CAMK2D: variants seen among roughly 807,000 people sequenced by gnomAD.
The protein encoded by CAMK2D is calcium/calmodulin-dependent protein kinase type II subunit delta.
Under a neutral mutation model 84.0 loss-of-function variants are expected in CAMK2D, and 37 were observed. The ratio of observed to expected loss-of-function variants is 0.44; its 90% CI spans 0.34 to 0.58. The LOEUF (loss-of-function observed/expected upper bound fraction) is 0.58, where lower values mean the gene tolerates loss of function less well. Ranked by LOEUF, CAMK2D falls within the 20% of genes least tolerant of loss-of-function variation. The probability of loss-of-function intolerance (pLI) is 0.02; values close to 1 mark genes in which losing one functional copy is unlikely to be tolerated. For missense variants in CAMK2D, 448 were observed against 652.5 expected (o/e 0.69, Z 3.41); for synonymous variants, 202 against 212.5 (o/e 0.95, Z 0.43).
chr4:113,741,563 T>TC (rs1409948288), intron 2 of CAMK2D, among the ~76,000 whole-genome samples: 1 of 152,136 alleles, frequency 6.6e-6, no homozygotes, highest in Non-Finnish European at 1.5e-5. Flanking sequence ...TTGGAACGTA[T>TC]CCCCCAGAGA....
chr4:113,681,799 G>A (rs965685938), intron 2 of CAMK2D, among the ~76,000 whole-genome samples: 2 of 151,600 alleles, frequency 1.3e-5, no homozygotes, highest in African/African-American at 4.8e-5. Flanking sequence ...ATATTTAAAC[G>A]ACAACTGAAA....
intron 4 of CAMK2D, among the ~76,000 whole-genome samples, chr4:113,603,585 C>T (rs1485121008): frequency 6.6e-6 from 1 of 150,820 alleles, no homozygotes; most frequent in Non-Finnish European, 1.5e-5. Flanking sequence ...TCATAAAAGC[C>T]TTTCCCATTC....
chr4:113,759,844 C>G (rs1261477474), intron 1 of CAMK2D, among the ~76,000 whole-genome samples: 1 of 152,096 alleles, frequency 6.6e-6, no homozygotes, highest in African/African-American at 2.4e-5. Flanking sequence ...CGATTATTTT[C>G]ATTAAAATAT....
intron 3 of CAMK2D, among the ~76,000 whole-genome samples, chr4:113,621,563 A>T (rs1437530916): frequency 1.3e-5 from 2 of 152,216 alleles, no homozygotes; most frequent in African/African-American, 4.8e-5. Context: ...AGCCAATGGG[A>T]TAAATGAGTA....
chr4:113,706,928 T>A (rs988638672), intron 2 of CAMK2D, among the ~76,000 whole-genome samples: 1 of 152,180 alleles, frequency 6.6e-6, no homozygotes, highest in Non-Finnish European at 1.5e-5. Context: ...AAAAGTTTTT[T>A]TTTTCACATC....
rs141772899 is a variant in CAMK2D, at chr4:113,589,632, T to A, written c.275+19520A>T. Among the ~76,000 whole-genome samples, 271 of 152,262 alleles carry A rather than the reference T, an allele frequency of 1.8e-3. 1 individual carries two copies. The highest frequency in any genetic ancestry group is 6.2e-3 in the African/African-American group (259 of 41,538). The stretch of plus-strand genomic sequence containing the variant: ...GGAGTTGCCACTAAGAGGAGTAACT[T>A]TGACCTTAGAGAGATGAGGAGAACT... On this transcript the variant is annotated intron_variant, in intron 4 of 20. Transcript: ENST00000511664.
chr4:113,554,978 CA>C (rs1560935437), intron 4 of CAMK2D, among the ~76,000 whole-genome samples: 1 of 58,214 alleles, frequency 1.7e-5, no homozygotes, highest in Non-Finnish European at 3.4e-5. Context: ...AACTCTAGAA[CA>C]TGAAAAAATG....
intron 3 of CAMK2D, among the ~76,000 whole-genome samples, chr4:113,654,358 C>G (rs1347582750): frequency 6.6e-6 from 1 of 151,970 alleles, no homozygotes. Flanking sequence ...CCTGTCAGCA[C>G]ATGAAATTTT....
At chr4:113,694,998 T>C (rs1440775836) in intron 2 of CAMK2D, among the ~76,000 whole-genome samples, 4 of 152,202 alleles carry the variant, frequency 2.6e-5, no homozygotes, top group African/African-American at 4.8e-5. Context: ...AAAAGGAACA[T>C]GAAAATAAGT....
rs79051537 is a variant in CAMK2D, at chr4:113,475,764, G to A, written c.1136-10160C>T. 7.3e-3 allele frequency among the ~76,000 whole-genome samples: 1,110 copies of A among 152,282 alleles called. 15 individuals are homozygous for A. The highest frequency in any genetic ancestry group is 0.025 in the African/African-American group (1,053 of 41,562). On this transcript the variant is annotated intron_variant, in intron 16 of 20. Coordinates refer to ENST00000511664, the MANE Select transcript of CAMK2D (RefSeq NM_001321571.2). ...ATATGCAGCAGCATCTCCGATCATT[G>A]TACTTTCATGTTTTCTAGCTTATTC...
At chr4:113,597,732 C>T (rs1692783579) in intron 4 of CAMK2D, among the ~76,000 whole-genome samples, 1 of 152,248 alleles carries the variant, frequency 6.6e-6, no homozygotes, top group African/African-American at 2.4e-5. Context: ...GTCTAGCTTT[C>T]AGCATATCTC....
chr4:113,649,169 C>G (rs2099163065), intron 3 of CAMK2D, among the ~76,000 whole-genome samples: 1 of 152,182 alleles, frequency 6.6e-6, no homozygotes, highest in Non-Finnish European at 1.5e-5. Flanking sequence ...AGGAACTCAT[C>G]ATGCCTTACA....
rs549569448 is a variant in CAMK2D at position 113,583,211 on chromosome 4, G to A, written c.275+25941C>T. 7.3e-5 allele frequency among the ~76,000 whole-genome samples: 11 copies of A among 150,086 alleles called. No individual in the cohort carries two copies. The South Asian group carries it at 2.4e-3, about 32-fold the overall frequency. On this transcript the variant is annotated intron_variant, in intron 4 of 20. Coordinates refer to ENST00000511664, the MANE Select transcript of CAMK2D (RefSeq NM_001321571.2). ...TTTCCAGGGTTTTGAATTCCAATGT[G>A]CATTATTTAGCAAATACCCTTCATA... is the stretch of plus-strand genomic sequence containing the variant.
chr4:113,522,345 A>C (rs561427987), intron 8 of CAMK2D, among the ~76,000 whole-genome samples: 1 of 152,348 alleles, frequency 6.6e-6, no homozygotes, highest in South Asian at 2.1e-4. Context: ...GGAACTTGGA[A>C]GTACACAATT....
At chr4:113,612,207 G>C (rs2099003115) in intron 3 of CAMK2D, among the ~76,000 whole-genome samples, 1 of 152,142 alleles carries the variant, frequency 6.6e-6, no homozygotes. Context: ...TATTCTCAGA[G>C]TTGATGGTAT....
At position 113,761,263 on chromosome 4, in the gene CAMK2D, G is replaced by T. The variant is rs956085053; in HGVS notation, c.-195C>A. The T allele has an allele frequency of 1.6e-4, 230 of 1,454,582 alleles. No homozygotes were observed. Among genetic ancestry groups the T allele is most frequent in the Non-Finnish European group, 1.7e-4 (191 of 1,106,074 alleles). The allele number at this position is 1,454,582 out of a possible 1,614,324, so 90.1% of individuals were successfully genotyped here. On this transcript the variant is annotated 5_prime_UTR_variant, in exon 1 of 21. Transcript: ENST00000511664. The stretch of plus-strand genomic sequence containing the variant: ...GGAGATGACCAGAAAGGGTGGCGTG[G>T]GGTCTCCTCCCCACAGTCCGCCGAT...
chr4:113,760,895 T>C (rs981930988), intron 1 of CAMK2D, 109 bp downstream of exon 1: 7 of 1,404,640 alleles, frequency 5.0e-6, no homozygotes, highest in Non-Finnish European at 7.0e-6. Context: ...CCTCCTCCCA[T>C]TCCTCTCCCA....
chr4:113,487,484 G>A (rs1167624328), intron 16 of CAMK2D, among the ~76,000 whole-genome samples: 1 of 151,942 alleles, frequency 6.6e-6, no homozygotes, highest in Admixed American at 6.6e-5. Flanking sequence ...AAAATTCATA[G>A]TTAAGAAAAA....
At chr4:113,544,396 C>T (rs538933841) in intron 6 of CAMK2D, among the ~76,000 whole-genome samples, 1 of 152,290 alleles carries the variant, frequency 6.6e-6, no homozygotes, top group South Asian at 2.1e-4. Context: ...ATTCTTTGGT[C>T]TCTTTACAGG....
Sources: allele counts gnomAD v4.1 joint callset (sites outside exome capture counted in the v4.1 genomes callset), GRCh38; gene constraint gnomAD v4.1.1; transcripts MANE v1.5; gene names NCBI Gene and HGNC (gene_info 2026-07-23, HGNC 2026-07-21).